Variants in ZNG1B observed in about 807,000 individuals in gnomAD.
ZNG1B encodes zinc-regulated GTPase metalloprotein activator 1B.
chr2:113,474,750 A>C, the ZNG1B span, among the ~76,000 whole-genome samples: 2 of 151,916 alleles, frequency 1.3e-5, no homozygotes, highest in Admixed American at 1.3e-4. Flanking sequence ...TTATGTACCC[A>C]GTAGTCATTC....
the ZNG1B span, among the ~76,000 whole-genome samples, chr2:113,448,829 G>A: frequency 4.0e-5 from 6 of 151,366 alleles, no homozygotes; most frequent in African/African-American, 7.3e-5. Flanking sequence ...GCTTGAACCC[G>A]GGAGACGGAG....
the ZNG1B span, among the ~76,000 whole-genome samples, chr2:113,446,296 T>C: frequency 6.6e-6 from 1 of 152,096 alleles, no homozygotes; most frequent in South Asian, 2.1e-4. Context: ...TTTATACAAA[T>C]TGTAGTTATA....
chr2:113,445,424 A>G, the ZNG1B span: 1 of 208,892 alleles, frequency 4.8e-6, no homozygotes, highest in South Asian at 7.8e-5. Context: ...TGAGGATACC[A>G]AAATCTATTA....
chr2:113,475,334 T>A, the ZNG1B span, among the ~76,000 whole-genome samples: 2 of 152,162 alleles, frequency 1.3e-5, no homozygotes, highest in Non-Finnish European at 2.9e-5. Context: ...TTGTTTTCCA[T>A]TTGCTTAGTA....
chr2:113,444,030 C>G, the ZNG1B span: 1 of 537,144 alleles, frequency 1.9e-6, no homozygotes, highest in Non-Finnish European at 3.3e-6. Flanking sequence ...TAAAGTGTTT[C>G]TTGCTGTCTT....
the ZNG1B span, among the ~76,000 whole-genome samples, chr2:113,490,468 G>T: frequency 6.6e-6 from 1 of 151,410 alleles, no homozygotes; most frequent in African/African-American, 2.4e-5. Context: ...CCCAGCAGAA[G>T]AAAGAAGACC....
chr2:113,438,311 C>G, the ZNG1B span, among the ~76,000 whole-genome samples: 2 of 152,176 alleles, frequency 1.3e-5, no homozygotes, highest in Non-Finnish European at 2.9e-5. Flanking sequence ...TCTGTGACCT[C>G]CTACCAAGTT....
the ZNG1B span, among the ~76,000 whole-genome samples, chr2:113,463,102 G>A: frequency 2.6e-5 from 4 of 151,318 alleles, no homozygotes; most frequent in Non-Finnish European, 4.4e-5. Flanking sequence ...ATCAGCATAG[G>A]ACAATCAGGA....
chr2:113,475,922 A>G, the ZNG1B span, among the ~76,000 whole-genome samples: 1 of 151,806 alleles, frequency 6.6e-6, no homozygotes, highest in Non-Finnish European at 1.5e-5. Flanking sequence ...TGCCCTTAAC[A>G]TTTTTTCCTT....
At chr2:113,445,127 A>G in the ZNG1B span, 1 of 1,567,648 alleles carries the variant, frequency 6.4e-7, no homozygotes, top group African/African-American at 1.4e-5. Context: ...TTAGAGGAAT[A>G]TCTAACATGA....
the ZNG1B span, chr2:113,439,066 A>G: frequency 6.5e-7 from 1 of 1,542,496 alleles, no homozygotes; most frequent in Non-Finnish European, 8.8e-7. Context: ...TTTCTTGTCC[A>G]AAACAATGTA....
chr2:113,462,357 T>G, the ZNG1B span: 8 of 1,533,098 alleles, frequency 5.2e-6, no homozygotes, highest in Non-Finnish European at 7.1e-6. Context: ...TTAATCTGCA[T>G]GCGTGTATAT....
chr2:113,483,165 A>G, the ZNG1B span, among the ~76,000 whole-genome samples: 1 of 152,420 alleles, frequency 6.6e-6, no homozygotes, highest in African/African-American at 2.4e-5. Context: ...ATAGCTGAAC[A>G]TGAAGCACAT....
At chr2:113,460,840 T>G in the ZNG1B span, 4 of 1,490,486 alleles carry the variant, frequency 2.7e-6, no homozygotes, top group South Asian at 1.2e-5. Flanking sequence ...TTATTTTCTT[T>G]TTTTCCCTTA....
the ZNG1B span, among the ~76,000 whole-genome samples, chr2:113,450,229 C>CT: frequency 3.4e-5 from 5 of 145,078 alleles, no homozygotes; most frequent in Non-Finnish European, 7.5e-5. Flanking sequence ...ACCATGAATA[C>CT]TTTTTTTTGG....
chr2:113,492,037 G>T, the ZNG1B span, among the ~76,000 whole-genome samples: 4 of 134,874 alleles, frequency 3.0e-5, 1 homozygote, highest in South Asian at 5.2e-4. Flanking sequence ...TACACTGCTG[G>T]TGGGAATGTA....
the ZNG1B span, among the ~76,000 whole-genome samples, chr2:113,459,129 G>A: frequency 6.6e-6 from 1 of 152,212 alleles, no homozygotes; most frequent in Non-Finnish European, 1.5e-5. Flanking sequence ...CTTTTGGCAT[G>A]GAATGATTTT....
chr2:113,446,398 A>G, the ZNG1B span, among the ~76,000 whole-genome samples: 2 of 152,216 alleles, frequency 1.3e-5, no homozygotes, highest in Non-Finnish European at 2.9e-5. Context: ...AAAAAATTTA[A>G]ATACCTAAAA....
chr2:113,474,165 T>G, the ZNG1B span, among the ~76,000 whole-genome samples: 8 of 152,194 alleles, frequency 5.3e-5, no homozygotes, highest in South Asian at 2.1e-4. Flanking sequence ...CAATTTCAGA[T>G]CCTGTTATTG....
Sources: gnomAD v4.1 joint callset for allele counts (sites outside exome capture counted in the v4.1 genomes callset) on GRCh38, gnomAD v4.1.1 for gene constraint, MANE v1.5 for transcripts, NCBI Gene and HGNC (gene_info 2026-07-23, HGNC 2026-07-21) for gene names.